BCL7C: variants seen among roughly 807,000 people sequenced by gnomAD.
BCL7C encodes BAF chromatin remodeling complex subunit BCL7C, also known as B-cell CLL/lymphoma 7 protein family member C.
In BCL7C, 8 loss-of-function variants were observed where a neutral mutation model predicts 26.2. The observed-to-expected ratio is 0.30, with a 90% confidence interval of 0.18 to 0.55. BCL7C has a LOEUF of 0.55. Among genes scored for constraint, BCL7C ranks in the 20% least tolerant of loss-of-function variants. BCL7C has a pLI of 0.93. For missense variants in BCL7C, 262 were observed against 298.5 expected (o/e 0.88, Z 0.90); for synonymous variants, 90 against 116.5 (o/e 0.77, Z 1.47).
At position 30,851,519 on chromosome 16, in the gene BCL7C, C is replaced by T. The variant is rs144578831; in HGVS notation, c.529-16371G>A. 1.9e-3 allele frequency: 502 copies of T among 258,154 alleles called. 4 individuals are homozygous for T. Among genetic ancestry groups the T allele is most frequent in the African/African-American group, 0.01 (457 of 44,696 alleles). 16.0% of individuals were successfully genotyped at this position (258,154 alleles called of 1,614,324 possible). On this transcript the variant is annotated intron_variant, in intron 5 of 5. Coordinates refer to the BCL7C transcript ENST00000380317. ...CCTCCCAAAATGTTGGGATTACAGG[C>T]GTGAGCCACCGCACCCGGCCTCAAT...
At chr16:30,869,645 G>T (rs2054866056) in intron 5 of BCL7C, among the ~76,000 whole-genome samples, 1 of 151,966 alleles carries the variant, frequency 6.6e-6, no homozygotes, top group Non-Finnish European at 1.5e-5. Context: ...CAGTGTAGCT[G>T]GGACTACAAG....
At chr16:30,877,113 G>A (rs2054961356) in intron 5 of BCL7C, among the ~76,000 whole-genome samples, 1 of 152,088 alleles carries the variant, frequency 6.6e-6, no homozygotes. Flanking sequence ...GGGAGCGGTA[G>A]GGATTGCGGG....
chr16:30,878,247 G>A (rs895567145), intron 5 of BCL7C, among the ~76,000 whole-genome samples: 1 of 151,052 alleles, frequency 6.6e-6, no homozygotes, highest in African/African-American at 2.4e-5. Context: ...TGTCTGGGGT[G>A]GGGCCGGGTG....
At chr16:30,848,738 A>G (rs1182233674) in intron 5 of BCL7C, among the ~76,000 whole-genome samples, 3 of 152,038 alleles carry the variant, frequency 2.0e-5, no homozygotes, top group Admixed American at 6.6e-5. Flanking sequence ...AAAAATACAA[A>G]AAAATTCTAG....
At chr16:30,845,372 C>T (rs755762912) in intron 5 of BCL7C, among the ~76,000 whole-genome samples, 1 of 152,226 alleles carries the variant, frequency 6.6e-6, no homozygotes, top group Non-Finnish European at 1.5e-5. Context: ...CTCGCTGAGT[C>T]TGCATGCTCT....
At chr16:30,890,719 C>T (rs1354778156) in intron 4 of BCL7C, among the ~76,000 whole-genome samples, 1 of 152,020 alleles carries the variant, frequency 6.6e-6, no homozygotes, top group Non-Finnish European at 1.5e-5. Context: ...GGCACGGTGG[C>T]TCACGCCTGT....
intron 5 of BCL7C, among the ~76,000 whole-genome samples, chr16:30,849,079 C>A (rs1038501844): frequency 6.6e-6 from 1 of 150,906 alleles, no homozygotes; most frequent in Non-Finnish European, 1.5e-5. Flanking sequence ...CCCAGCTACT[C>A]GGGAGGCTGA....
chr16:30,842,155 C>T (rs928408687), intron 5 of BCL7C, among the ~76,000 whole-genome samples: 8 of 151,864 alleles, frequency 5.3e-5, no homozygotes, highest in African/African-American at 1.2e-4. Context: ...TAATTCAATA[C>T]GACTGGTACA....
Position 30,893,826 on chromosome 16 carries a change from C to T in BCL7C, c.92+27G>A. The stretch of plus-strand genomic sequence containing the variant: ...TGGTGCTGGTGGTCCCGCTGTGTCC[C>T]GTCCCTGGCCCCCGAGCAGCGCTCA... On this transcript the variant is annotated intron_variant, in intron 1 of 5. Transcript: ENST00000215115. The surrounding 1 kb of genome is among the most constrained non-coding windows in gnomAD (Gnocchi z 5.2). The T allele has an allele frequency of 4.4e-6, 7 of 1,592,896 alleles. No individual in the cohort carries two copies. Among genetic ancestry groups the T allele is most frequent in the African/African-American group, 1.3e-5 (1 of 74,574 alleles).
chr16:30,875,345 G>A (rs1398541120), intron 5 of BCL7C: 4 of 153,084 alleles, frequency 2.6e-5, no homozygotes, highest in Non-Finnish European at 5.9e-5. Context: ...CAGCCTCGGC[G>A]GGTCGGGAAC....
chr16:30,849,297 G>A (rs1214488928), intron 5 of BCL7C, among the ~76,000 whole-genome samples: 1 of 151,668 alleles, frequency 6.6e-6, no homozygotes, highest in Non-Finnish European at 1.5e-5. Context: ...TGTATTTTGG[G>A]GCTCTGTTGT....
Position 30,877,834 on chromosome 16 carries a change from T to C in BCL7C, c.528+11026A>G, listed in dbSNP as rs1365411750. Among the ~76,000 whole-genome samples the C allele has an allele frequency of 2.0e-5, 3 of 152,128 alleles. No homozygotes were observed. The East Asian group carries it at 5.8e-4, about 29-fold the overall frequency. ...CAAATCACATTCACAGGCTCACAGC[T>C]CCAAGCTTTGCAGCATGTTAGCATC... On this transcript the variant is annotated intron_variant, in intron 5 of 5. Coordinates refer to the BCL7C transcript ENST00000380317.
chr16:30,870,922 C>T (rs1306402888), intron 5 of BCL7C, among the ~76,000 whole-genome samples: 1 of 152,202 alleles, frequency 6.6e-6, no homozygotes, highest in Non-Finnish European at 1.5e-5. Context: ...ACTTCACTGT[C>T]CTAGAATTCA....
intron 5 of BCL7C, among the ~76,000 whole-genome samples, chr16:30,868,260 T>C (rs564399482): frequency 6.7e-6 from 1 of 149,974 alleles, no homozygotes; most frequent in Non-Finnish European, 1.5e-5. Context: ...CCCGAGTAGC[T>C]GGGACTACAG....
At chr16:30,835,649 C>T (rs1445151022) in intron 5 of BCL7C, among the ~76,000 whole-genome samples, 2 of 150,552 alleles carry the variant, frequency 1.3e-5, no homozygotes, top group Non-Finnish European at 3.0e-5. Context: ...AGTTGGAGAC[C>T]AGCCTGACCA....
Position 30,867,241 on chromosome 16 carries a change from T to A in BCL7C, c.528+21619A>T, listed in dbSNP as rs141601443. Among the ~76,000 whole-genome samples, 491 of 152,254 alleles carry A rather than the reference T, an allele frequency of 3.2e-3. 3 individuals are homozygous for A. The highest frequency in any genetic ancestry group is 0.011 in the African/African-American group (459 of 41,544). ...GGTATCATTGAGATTCTGACCATGT[T>A]TATTTCTTGGTTTGGGTGGTGGTTA... is the stretch of plus-strand genomic sequence containing the variant. On this transcript the variant is annotated intron_variant, in intron 5 of 5. Coordinates refer to the BCL7C transcript ENST00000380317.
Position 30,893,157 on chromosome 16 carries a change from G to C in BCL7C, c.171+55C>G. Reference sequence around the variant, plus strand: ...TGGAGGTAGAGGTCAGCGTGGGGAGGAACTTGCCTGAGGTTGCACAGATGC... The same window carrying C: ...TGGAGGTAGAGGTCAGCGTGGGGAGCAACTTGCCTGAGGTTGCACAGATGC... On this transcript the variant is annotated intron_variant, in intron 2 of 5. Coordinates refer to ENST00000215115, the MANE Select transcript of BCL7C (RefSeq NM_004765.4). This position sits in a 1 kb window ranked among gnomAD's most constrained non-coding sequence, Gnocchi z 5.2. 6.4e-7 allele frequency: 1 copy of C among 1,560,372 alleles called. No individual in the cohort carries two copies. Among genetic ancestry groups the C allele is most frequent in the Non-Finnish European group, 8.8e-7 (1 of 1,139,948 alleles).
At chr16:30,844,041 CAAAAAAAAAAAAAA>C (rs533064710) in intron 5 of BCL7C, among the ~76,000 whole-genome samples, 11 of 24,376 alleles carry the variant, frequency 4.5e-4, no homozygotes, top group Non-Finnish European at 5.7e-4. Context: ...GACTCTGCCT[CAAAAAAAAAAAAAA>C]AAAAAAAAAA....
At position 30,834,143 on chromosome 16, in the gene BCL7C, C is replaced by T. The variant is rs2054555897; in HGVS notation, c.*805G>A. 1.3e-5 allele frequency: 2 copies of T among 152,256 alleles called. No homozygotes were observed. Among genetic ancestry groups the T allele is most frequent in the Admixed American group, 1.3e-4 (2 of 15,280 alleles). The allele number at this position is 152,256 out of a possible 1,614,324, so 9.4% of individuals were successfully genotyped here. A position where few individuals can be genotyped will look rare whatever the true frequency, so the allele number is the denominator to read the frequency against. On this transcript the variant is annotated 3_prime_UTR_variant, in exon 6 of 6. Transcript: ENST00000380317. The surrounding 1 kb of genome is among the most constrained non-coding windows in gnomAD (Gnocchi z 4.3). ...AGAGCTTGGTGAAGGGCCTTGGAAC[C>T]ACCCAAAAGGCTCACTCGCGCTGCT...
Sources: allele counts gnomAD v4.1 joint callset (sites outside exome capture counted in the v4.1 genomes callset), GRCh38; gene constraint gnomAD v4.1.1; non-coding constraint Gnocchi (gnomAD v3.1); transcripts MANE v1.5; gene names NCBI Gene and HGNC (gene_info 2026-07-23, HGNC 2026-07-21).